The following COL26A1 variants were observed in gnomAD, a reference collection of about 807,000 sequenced individuals.
COL26A1 encodes the protein collagen alpha-1(XXVI) chain.
COL26A1 carries 41 observed loss-of-function variants against 59.3 expected under a neutral mutation model. That is an observed-to-expected ratio of 0.69 (90% CI 0.54 to 0.90). The LOEUF (loss-of-function observed/expected upper bound fraction) is 0.90, where lower values mean the gene tolerates loss of function less well. Among genes scored for constraint, COL26A1 ranks in the 40% least tolerant of loss-of-function variants. COL26A1 has a pLI of 0.00. For missense variants in COL26A1, 612 were observed against 602.3 expected (o/e 1.02, Z -0.17); for synonymous variants, 266 against 256.0 (o/e 1.04, Z -0.37).
chr7:101,539,646 G>A (rs1795564869), intron 4 of COL26A1, among the ~76,000 whole-genome samples: 1 of 152,154 alleles, frequency 6.6e-6, no homozygotes, highest in South Asian at 2.1e-4. Flanking sequence ...GACTTTGACG[G>A]TGTCTGAAGG....
rs1253019848 is a variant in COL26A1, at chr7:101,475,797, CTTCCTTCCTTCT to C, written c.385+28014_385+28025del. The stretch of plus-strand genomic sequence containing the variant: ...CTTTCTTTCTTTCTTTCCTTCCTTC[CTTCCTTCCTTCT>C]TTCTTTCTTTCTCTCTCTTTCTCTC... On this transcript the variant is annotated intron_variant, in intron 3 of 12. Transcript: ENST00000313669. 8.3e-5 allele frequency among the ~76,000 whole-genome samples: 9 copies of C among 108,322 alleles called. No individual in the cohort carries two copies. In the East Asian group the frequency reaches 1.6e-3, roughly 19 times the overall value. 71.1% of individuals were successfully genotyped at this position (108,322 alleles called of 152,430 possible). A position where few individuals can be genotyped will look rare whatever the true frequency, so the allele number is the denominator to read the frequency against.
At position 101,530,679 on chromosome 7, in the gene COL26A1, C is replaced by T. The variant is rs932883783; in HGVS notation, c.386-2403C>T. 9.9e-5 allele frequency among the ~76,000 whole-genome samples: 15 copies of T among 150,988 alleles called. No homozygotes were observed. The South Asian group carries it at 3.0e-3, about 30-fold the overall frequency. On this transcript the variant is annotated intron_variant, in intron 3 of 12. Coordinates refer to ENST00000313669, the MANE Select transcript of COL26A1 (RefSeq NM_001278563.3). ...CCTTTCAGGGACTCCACCGTTTCAT[C>T]AGGGATGTTCCCAAATGTCAGCGTC...
chr7:101,525,741 CCA>C (rs1562789177), intron 3 of COL26A1, among the ~76,000 whole-genome samples: 1 of 152,126 alleles, frequency 6.6e-6, no homozygotes, highest in East Asian at 1.9e-4. Context: ...CGTGATCCGC[CCA>C]CCTTGGCCTC....
At chr7:101,512,166 CT>C (rs1473912298) in intron 3 of COL26A1, among the ~76,000 whole-genome samples, 1 of 152,138 alleles carries the variant, frequency 6.6e-6, no homozygotes, top group African/African-American at 2.4e-5. Flanking sequence ...TGGTTTACCC[CT>C]GAGTCAGCAC....
intron 1 of COL26A1, among the ~76,000 whole-genome samples, chr7:101,368,761 T>C (rs959856439): frequency 1.3e-5 from 2 of 152,150 alleles, no homozygotes; most frequent in Non-Finnish European, 2.9e-5. Context: ...TGGTCCGGTG[T>C]CAACCCCAAC....
At chr7:101,443,810 T>G (rs1793118371) in intron 2 of COL26A1, among the ~76,000 whole-genome samples, 1 of 152,118 alleles carries the variant, frequency 6.6e-6, no homozygotes, top group Non-Finnish European at 1.5e-5. Flanking sequence ...AGAATTTTTT[T>G]TTTTAATTCC....
chr7:101,427,481 G>C (rs1400208162), intron 2 of COL26A1, among the ~76,000 whole-genome samples: 4 of 151,994 alleles, frequency 2.6e-5, no homozygotes, highest in Non-Finnish European at 5.9e-5. Context: ...GGCCAATGTG[G>C]TAAAACCCCT....
At position 101,477,372 on chromosome 7, in the gene COL26A1, T is replaced by C. The variant is rs182847133; in HGVS notation, c.385+29585T>C. ...TGCATTAGCATGCGGAGTGTGAGGT[T>C]TGTGTGTGTGCAGTTTGCACAGATG... is the stretch of plus-strand genomic sequence containing the variant. On this transcript the variant is annotated intron_variant, in intron 3 of 12. Transcript: ENST00000313669. Among the ~76,000 whole-genome samples the C allele has an allele frequency of 2.5e-3, 387 of 152,166 alleles. 1 individual carries two copies. The highest frequency in any genetic ancestry group is 9.0e-3 in the African/African-American group (372 of 41,530).
At chr7:101,384,292 A>G (rs962875303) in intron 1 of COL26A1, among the ~76,000 whole-genome samples, 9 of 145,502 alleles carry the variant, frequency 6.2e-5, no homozygotes, top group Middle Eastern at 3.4e-3. Flanking sequence ...GCTAGAGTTC[A>G]ATAGCGTCAT....
At chr7:101,369,187 GCT>G in intron 1 of COL26A1, among the ~76,000 whole-genome samples, 2 of 152,016 alleles carry the variant, frequency 1.3e-5, no homozygotes, top group East Asian at 3.9e-4. Flanking sequence ...TGGGTGGATC[GCT>G]TGAGGTCAGG....
chr7:101,400,633 A>G (rs1037680188), intron 1 of COL26A1, among the ~76,000 whole-genome samples: 27 of 151,962 alleles, frequency 1.8e-4, no homozygotes, highest in Non-Finnish European at 3.7e-4. Context: ...GTCTCAGCTC[A>G]CTGCAACCTC....
At chr7:101,476,143 TG>T (rs1294790951) in intron 3 of COL26A1, among the ~76,000 whole-genome samples, 1 of 28,138 alleles carries the variant, frequency 3.6e-5, no homozygotes, top group East Asian at 4.6e-4. Context: ...CCCAGCTAAT[TG>T]TGTGTGTGTG....
At chr7:101,385,229 C>T (rs1273617977) in intron 1 of COL26A1, among the ~76,000 whole-genome samples, 6,318 of 25,272 alleles carry the variant, frequency 0.25, 269 homozygotes, top group South Asian at 0.33. Flanking sequence ...CACACACACA[C>T]ACTATATATA....
At chr7:101,542,262 C>T (rs1308161282) in intron 5 of COL26A1, among the ~76,000 whole-genome samples, 1 of 152,146 alleles carries the variant, frequency 6.6e-6, no homozygotes, top group Non-Finnish European at 1.5e-5. Context: ...CCAGCACACG[C>T]AGCCTAATTT....
At chr7:101,446,722 C>CTA (rs1420337968) in intron 2 of COL26A1, among the ~76,000 whole-genome samples, 1 of 152,008 alleles carries the variant, frequency 6.6e-6, no homozygotes, top group Non-Finnish European at 1.5e-5. Flanking sequence ...TGGCACACAC[C>CTA]TATAATCTCA....
intron 4 of COL26A1, among the ~76,000 whole-genome samples, chr7:101,534,925 G>A (rs1216735834): frequency 2.0e-5 from 3 of 152,212 alleles, no homozygotes; most frequent in Admixed American, 2.0e-4. Context: ...CTTTGGAAAT[G>A]GTCTAATGCT....
intron 2 of COL26A1, among the ~76,000 whole-genome samples, chr7:101,446,990 G>T (rs545448147): frequency 6.6e-6 from 1 of 152,210 alleles, no homozygotes; most frequent in South Asian, 2.1e-4. Flanking sequence ...GTGGGTAGAG[G>T]CTCGGAAGTT....
At chr7:101,520,512 C>T (rs1212036569) in intron 3 of COL26A1, among the ~76,000 whole-genome samples, 5 of 152,026 alleles carry the variant, frequency 3.3e-5, no homozygotes, top group African/African-American at 9.7e-5. Flanking sequence ...ACTGAGACTT[C>T]GTCTGTACAA....
At chr7:101,424,666 A>C (rs1320658981) in intron 2 of COL26A1, among the ~76,000 whole-genome samples, 1 of 152,202 alleles carries the variant, frequency 6.6e-6, no homozygotes, top group Non-Finnish European at 1.5e-5. Context: ...AGTAACTCAT[A>C]AATGAGCTAG....
Sources: gnomAD v4.1 joint callset for allele counts (sites outside exome capture counted in the v4.1 genomes callset) on GRCh38, gnomAD v4.1.1 for gene constraint, MANE v1.5 for transcripts, NCBI Gene and HGNC (gene_info 2026-07-23, HGNC 2026-07-21) for gene names.